FRMPD4: variants seen among roughly 807,000 people sequenced by gnomAD.
The protein encoded by FRMPD4 is FERM and PDZ domain-containing protein 4.
A neutral mutation model predicts 94.1 loss-of-function variants in FRMPD4; 22 were observed. The observed-to-expected ratio is 0.23, with a 90% CI of 0.17 to 0.33. The LOEUF (loss-of-function observed/expected upper bound fraction) is 0.33, where lower values mean the gene tolerates loss of function less well. FRMPD4 is among the 10% of genes least tolerant of loss of function. The pLI, the probability that FRMPD4 is intolerant of heterozygous loss-of-function variation, is 1.00. For synonymous variants in FRMPD4, 631 were observed against 548.6 expected (o/e 1.15, Z -2.10); for missense variants, 1,111 against 1,339.9 (o/e 0.83, Z 2.67).
At chrX:11,941,087 A>G (rs2054157116) in intron 3 of FRMPD4, among the ~76,000 whole-genome samples, 1 of 40,317 alleles carries the variant, frequency 2.5e-5, no homozygotes, top group Non-Finnish European at 5.1e-5. Context: ...TTGACTCGGA[A>G]AGGGAACTCC....
intron 3 of FRMPD4, among the ~76,000 whole-genome samples, chrX:11,942,228 CTT>C (rs560019319): frequency 0.27 from 20,706 of 77,980 alleles, 2,150 homozygotes; most frequent in East Asian, 0.65. Context: ...TTTTTCTTTC[CTT>C]TTTTTTTTTT....
chrX:12,624,545 AAGTATATCAT>A (rs2059327889), intron 4 of FRMPD4, among the ~76,000 whole-genome samples: 2 of 111,868 alleles, frequency 1.8e-5, no homozygotes, highest in South Asian at 3.7e-4. Context: ...AAAGGAATCA[AAGTATATCAT>A]TACAAAATAT....
At chrX:12,232,434 C>G (rs1236168100) in intron 1 of FRMPD4, among the ~76,000 whole-genome samples, 2 of 110,763 alleles carry the variant, frequency 1.8e-5, no homozygotes, top group African/African-American at 6.6e-5. Flanking sequence ...CATTAGATCT[C>G]GTGAGAACTT....
chrX:12,485,744 A>T (rs1047914606), intron 1 of FRMPD4, among the ~76,000 whole-genome samples: 3 of 110,709 alleles, frequency 2.7e-5, no homozygotes, highest in African/African-American at 9.9e-5. Context: ...CCACATCTCT[A>T]CTAAAAATAC....
chrX:12,271,653 T>C (rs1301765981), intron 1 of FRMPD4, among the ~76,000 whole-genome samples: 1 of 112,273 alleles, frequency 8.9e-6, no homozygotes, highest in African/African-American at 3.2e-5. Flanking sequence ...TTTTCTTTAA[T>C]TTTATAGCTG....
chrX:12,096,160 A>G (rs1329735502), intron 3 of FRMPD4, among the ~76,000 whole-genome samples: 1 of 112,640 alleles, frequency 8.9e-6, no homozygotes, highest in Non-Finnish European at 1.9e-5. Context: ...AAAACATTAT[A>G]TCGGAAACAG....
intron 1 of FRMPD4, among the ~76,000 whole-genome samples, chrX:12,139,540 CTT>C (rs34758220): frequency 0.061 from 5,072 of 83,171 alleles, 359 homozygotes; most frequent in African/African-American, 0.21. Context: ...GACTTTCAGC[CTT>C]TTTTTTTTTG....
At chrX:12,435,180 C>T (rs1466774325) in intron 1 of FRMPD4, among the ~76,000 whole-genome samples, 1 of 111,331 alleles carries the variant, frequency 9.0e-6, no homozygotes. Flanking sequence ...TAAATGGAGT[C>T]CATTCTTCTA....
At chrX:12,532,183 T>C (rs1438172209) in intron 2 of FRMPD4, among the ~76,000 whole-genome samples, 1 of 112,135 alleles carries the variant, frequency 8.9e-6, no homozygotes, top group Non-Finnish European at 1.9e-5. Context: ...TGCTGAACAA[T>C]TGCATGACCT....
chrX:12,117,702 TC>T (rs1285614423), intron 3 of FRMPD4, among the ~76,000 whole-genome samples: 1 of 112,152 alleles, frequency 8.9e-6, no homozygotes, highest in Non-Finnish European at 1.9e-5. Flanking sequence ...GTTCCCTCAC[TC>T]CACTCAGACA....
At chrX:12,112,454 T>C (rs2055373543) in intron 3 of FRMPD4, among the ~76,000 whole-genome samples, 1 of 110,543 alleles carries the variant, frequency 9.0e-6, no homozygotes, top group African/African-American at 3.3e-5. Context: ...CAGTAGGAGA[T>C]ATACCTAATG....
At chrX:12,146,460 G>A (rs2055770949) in intron 1 of FRMPD4, among the ~76,000 whole-genome samples, 2 of 104,648 alleles carry the variant, frequency 1.9e-5, no homozygotes, top group South Asian at 9.7e-4. Context: ...AAACACACAC[G>A]TGTATACACA....
intron 1 of FRMPD4, among the ~76,000 whole-genome samples, chrX:12,330,761 C>G (rs1017304480): frequency 9.0e-6 from 1 of 111,197 alleles, no homozygotes; most frequent in Non-Finnish European, 1.9e-5. Flanking sequence ...AATATTGACA[C>G]CCTCGTGATG....
rs184460760 is a variant in FRMPD4 at position 12,280,860 on chromosome X, C to T, written c.41+141848C>T. On this transcript the variant is annotated intron_variant, in intron 1 of 16. Transcript: ENST00000675598. Reference sequence around the variant, plus strand: ...TAGTCACTGTCAGTGCTGTTGTCCTCTCATTCTTGTTGGCCCACTGTATCT... The same window carrying T: ...TAGTCACTGTCAGTGCTGTTGTCCTTTCATTCTTGTTGGCCCACTGTATCT... Among the ~76,000 whole-genome samples, 121 of 111,675 alleles carry T rather than the reference C, an allele frequency of 1.1e-3. 1 individual carries two copies. Among genetic ancestry groups the T allele is most frequent in the African/African-American group, 3.8e-3 (116 of 30,675 alleles).
At chrX:12,164,082 A>G (rs2056072103) in intron 1 of FRMPD4, among the ~76,000 whole-genome samples, 2 of 110,252 alleles carry the variant, frequency 1.8e-5, no homozygotes, top group Non-Finnish European at 3.8e-5. Context: ...GTTTTAGAAT[A>G]TATGTGCACA....
intron 1 of FRMPD4, among the ~76,000 whole-genome samples, chrX:12,415,468 A>ATGAT (rs1421791316): frequency 9.0e-6 from 1 of 111,720 alleles, no homozygotes; most frequent in Non-Finnish European, 1.9e-5. Context: ...TTGAAAAAAT[A>ATGAT]TGATTAAAGG....
chrX:11,918,284 A>G (rs1268133513), intron 3 of FRMPD4, among the ~76,000 whole-genome samples: 1 of 112,982 alleles, frequency 8.9e-6, no homozygotes, highest in Non-Finnish European at 1.9e-5. Context: ...GTTTTGACTG[A>G]TTCATTTGAT....
chrX:12,237,864 A>G (rs2057087808), intron 1 of FRMPD4, among the ~76,000 whole-genome samples: 1 of 112,648 alleles, frequency 8.9e-6, no homozygotes, highest in Non-Finnish European at 1.9e-5. Flanking sequence ...ATGGTTTAAG[A>G]AGCGAAGCAA....
chrX:12,443,824 A>T (rs947066946), intron 1 of FRMPD4, among the ~76,000 whole-genome samples: 15 of 112,063 alleles, frequency 1.3e-4, no homozygotes, highest in Non-Finnish European at 2.3e-4. Context: ...ATACTAATTG[A>T]ACCCATTTAC....
Sources: allele counts gnomAD v4.1 joint callset (sites outside exome capture counted in the v4.1 genomes callset), GRCh38; gene constraint gnomAD v4.1.1; transcripts MANE v1.5; gene names NCBI Gene and HGNC (gene_info 2026-07-23, HGNC 2026-07-21).